Variants in TRAPPC9 observed in about 807,000 individuals in gnomAD.
TRAPPC9 encodes IKK2 binding protein.
Under a neutral mutation model 124.0 loss-of-function variants are expected in TRAPPC9, and 83 were observed. The ratio of observed to expected loss-of-function variants is 0.67; its 90% confidence interval spans 0.56 to 0.80. The LOEUF (loss-of-function observed/expected upper bound fraction) is 0.80. Among genes scored for constraint, TRAPPC9 ranks in the 30% least tolerant of loss-of-function variants. The pLI is 0.00. For missense variants in TRAPPC9, 1,302 were observed against 1,508.3 expected (o/e 0.86, Z 2.27); for synonymous variants, 638 against 617.5 (o/e 1.03, Z -0.49).
chr8:139,757,000 G>T (rs542713590), intron 21 of TRAPPC9, among the ~76,000 whole-genome samples: 1 of 132,952 alleles, frequency 7.5e-6, no homozygotes, highest in Non-Finnish European at 1.6e-5. Context: ...ACAGCATGTC[G>T]CAGGAGGAGC....
At chr8:139,759,798 C>T (rs1820100796) in intron 21 of TRAPPC9, among the ~76,000 whole-genome samples, 1 of 152,226 alleles carries the variant, frequency 6.6e-6, no homozygotes, top group African/African-American at 2.4e-5. Context: ...CCAGTCAGTC[C>T]TGCCAGGTGT....
chr8:140,345,259 G>A (rs150671132), intron 9 of TRAPPC9, among the ~76,000 whole-genome samples: 1 of 152,372 alleles, frequency 6.6e-6, no homozygotes, highest in East Asian at 1.9e-4. Context: ...ATGGGGTGGA[G>A]GTGCTGAGGA....
intron 16 of TRAPPC9, among the ~76,000 whole-genome samples, chr8:140,231,076 T>G (rs1049565022): frequency 2.0e-5 from 3 of 152,222 alleles, no homozygotes; most frequent in African/African-American, 7.2e-5. Flanking sequence ...TGTATCCAAA[T>G]AGTTTGCCAC....
intron 9 of TRAPPC9, among the ~76,000 whole-genome samples, chr8:140,347,891 T>C (rs1467654871): frequency 6.6e-6 from 1 of 152,258 alleles, no homozygotes; most frequent in Non-Finnish European, 1.5e-5. Flanking sequence ...ATAAGTCCTC[T>C]GGTCAAAGGC....
At chr8:140,398,298 T>C (rs1171103852) in intron 6 of TRAPPC9, among the ~76,000 whole-genome samples, 1 of 152,086 alleles carries the variant, frequency 6.6e-6, no homozygotes, top group African/African-American at 2.4e-5. Flanking sequence ...TACCTGAAAA[T>C]GTGGAAGCGA....
chr8:140,136,441 T>C (rs1455946170), intron 17 of TRAPPC9, among the ~76,000 whole-genome samples: 4 of 152,104 alleles, frequency 2.6e-5, no homozygotes, highest in Admixed American at 1.3e-4. Flanking sequence ...AGCACATACA[T>C]GCATTTACTT....
At chr8:139,922,184 G>GTT (rs11333185) in intron 19 of TRAPPC9, among the ~76,000 whole-genome samples, 182 of 145,738 alleles carry the variant, frequency 1.2e-3, no homozygotes, top group African/African-American at 3.7e-3. Flanking sequence ...ATGGTTTGGT[G>GTT]TTTTTTTTTT....
At chr8:140,205,538 C>T (rs1425166805) in intron 17 of TRAPPC9, among the ~76,000 whole-genome samples, 1 of 152,202 alleles carries the variant, frequency 6.6e-6, no homozygotes. Flanking sequence ...TCTCAGAAGA[C>T]TGCCACTTCA....
intron 17 of TRAPPC9, among the ~76,000 whole-genome samples, chr8:140,084,146 T>C (rs963419563): frequency 1.3e-5 from 2 of 152,150 alleles, no homozygotes; most frequent in Non-Finnish European, 2.9e-5. Context: ...TAATTATGCA[T>C]AGAAAAGGGA....
At chr8:140,407,425 G>C (rs990310907) in intron 5 of TRAPPC9, among the ~76,000 whole-genome samples, 10 of 151,810 alleles carry the variant, frequency 6.6e-5, no homozygotes, top group Admixed American at 2.0e-4. Flanking sequence ...GAAATGGTGG[G>C]GGGGGGCGGG....
At chr8:139,796,352 T>C (rs1224132526) in intron 21 of TRAPPC9, among the ~76,000 whole-genome samples, 2 of 152,210 alleles carry the variant, frequency 1.3e-5, no homozygotes, top group East Asian at 1.9e-4. Context: ...CTGACCTCAC[T>C]TTACCTGGTA....
chr8:139,954,290 A>G (rs1307987741), intron 19 of TRAPPC9, among the ~76,000 whole-genome samples: 2 of 152,188 alleles, frequency 1.3e-5, no homozygotes, highest in African/African-American at 2.4e-5. Context: ...TAGTATGTCA[A>G]TTTTACCTCA....
In TRAPPC9 at chr8:140,451,267, T is replaced by A. The variant is rs2071452012; in HGVS notation, c.107A>T (p.Lys36Met). ...GATCTGACTCACAGAGCAAATCCTCTTATAGATCCTGAAGAAGTTCTCCTC... is the reference window on the plus strand; with the variant it reads ...GATCTGACTCACAGAGCAAATCCTCATATAGATCCTGAAGAAGTTCTCCTC... ...VSEENFFRIY[K>M]RICSVSQISV... The change falls in exon 2 of 23, where the codon AAG becomes ATG. Residue 36 changes from lysine to methionine, a missense_variant. Lys to Met is a moderately conservative substitution (Grantham distance 95, BLOSUM62 -1). Around this residue, in one of 3 missense-constraint regions of TRAPPC9, gnomAD observed 657 missense variants for 811.2 expected, o/e 0.81. Transcript: ENST00000438773. The A allele has an allele frequency of 6.2e-7, 1 of 1,613,016 alleles. No homozygotes were observed. Among genetic ancestry groups the A allele is most frequent in the Non-Finnish European group, 8.5e-7 (1 of 1,180,032 alleles).
intron 17 of TRAPPC9, among the ~76,000 whole-genome samples, chr8:140,108,667 G>A (rs952880295): frequency 6.6e-6 from 1 of 152,204 alleles, no homozygotes; most frequent in African/African-American, 2.4e-5. Context: ...GCATCTTTCT[G>A]ATGGTGTTTT....
In TRAPPC9 at chr8:139,907,044, C is replaced by A. The variant is rs1274014230; in HGVS notation, c.2964+3103G>T. On this transcript the variant is annotated intron_variant, in intron 20 of 22. Coordinates refer to ENST00000438773, the MANE Select transcript of TRAPPC9 (RefSeq NM_001160372.4). This position sits in a 1 kb window ranked among gnomAD's most constrained non-coding sequence, Gnocchi z 4.7. ...CTGAGGGAAGCTCCCATCAGCCCCA[C>A]AACGCTGCACTGCAAGTGCCCATCT... 6.6e-6 allele frequency among the ~76,000 whole-genome samples: 1 copy of A among 152,250 alleles called. No homozygotes were observed. The highest frequency in any genetic ancestry group is 1.5e-5 in the Non-Finnish European group (1 of 68,040).
chr8:140,447,300 A>T (rs866318631), intron 2 of TRAPPC9, among the ~76,000 whole-genome samples: 2 of 152,198 alleles, frequency 1.3e-5, no homozygotes, highest in African/African-American at 2.4e-5. Flanking sequence ...AACATATTTT[A>T]AAAAAATGAA....
At chr8:139,872,388 G>GTGGA (rs112393714) in intron 21 of TRAPPC9, among the ~76,000 whole-genome samples, 12,413 of 74,688 alleles carry the variant, frequency 0.17, 1,648 homozygotes, top group African/African-American at 0.33. Flanking sequence ...GGATAAGTGG[G>GTGGA]TGGATGGATG....
At chr8:140,346,510 C>A (rs2067354558) in intron 9 of TRAPPC9, among the ~76,000 whole-genome samples, 1 of 152,200 alleles carries the variant, frequency 6.6e-6, no homozygotes, top group Non-Finnish European at 1.5e-5. Flanking sequence ...TCAGCTCAAA[C>A]ACCACAATTT....
At chr8:139,997,115 C>T (rs2131763215) in intron 18 of TRAPPC9, among the ~76,000 whole-genome samples, 1 of 152,296 alleles carries the variant, frequency 6.6e-6, no homozygotes, top group South Asian at 2.1e-4. Context: ...GAACAGAAGC[C>T]ATCTGGAAAG....
Sources: allele counts gnomAD v4.1 joint callset (sites outside exome capture counted in the v4.1 genomes callset), GRCh38; gene constraint gnomAD v4.1.1; regional missense constraint gnomAD v4.1.1; non-coding constraint Gnocchi (gnomAD v3.1); transcripts MANE v1.5; gene names NCBI Gene and HGNC (gene_info 2026-07-23, HGNC 2026-07-21).